VWA5B1: variants seen among roughly 807,000 people sequenced by gnomAD.
VWA5B1 encodes the protein von Willebrand factor A domain-containing protein 5B1.
A neutral mutation model predicts 118.2 loss-of-function variants in VWA5B1; 115 were observed. That is an observed-to-expected ratio of 0.97 (90% CI 0.84 to 1.14). The LOEUF is 1.14. Among genes scored for constraint, VWA5B1 ranks in the 50% most tolerant of loss-of-function variants. VWA5B1 has a pLI of 0.00. For missense variants in VWA5B1, 1,596 were observed against 1,603.8 expected (o/e 1.00, Z 0.08); for synonymous variants, 682 against 658.4 (o/e 1.04, Z -0.55).
intron 14 of VWA5B1, among the ~76,000 whole-genome samples, chr1:20,342,072 T>G (rs1380430615): frequency 7.0e-6 from 1 of 142,552 alleles, no homozygotes; most frequent in Non-Finnish European, 1.5e-5. Context: ...TGGGAAGACA[T>G]AAGGAAAAAA....
chr1:20,302,883 C>T (rs140564805), intron 1 of VWA5B1, among the ~76,000 whole-genome samples: 78 of 152,212 alleles, frequency 5.1e-4, no homozygotes, highest in Middle Eastern at 6.8e-3. Context: ...GGAGACGTAG[C>T]GAGAGGTCTT....
In VWA5B1 at chr1:20,317,588, G is replaced by C. The variant is rs932624946; in HGVS notation, c.622G>C (p.Ala208Pro). Residue 208 changes from alanine to proline, a missense_variant, in exon 5 of 22, where the codon GCG becomes CCG. Ala to Pro is a conservative substitution (Grantham distance 27, BLOSUM62 -1). Coordinates refer to ENST00000289815, the MANE Select transcript of VWA5B1 (RefSeq NM_001039500.3). ...APGSWNKLCL[A>P]TLLNTEVSNP... ...GGGCTCCTGGAATAAGTTGTGCCTG[G>C]CGACTCTCCTGAACACCGAAGTGTC... 6.4e-7 allele frequency: 1 copy of C among 1,551,848 alleles called. No individual in the cohort carries two copies. Among genetic ancestry groups the C allele is most frequent in the African/African-American group, 1.4e-5 (1 of 73,164 alleles).
At chr1:20,321,186 T>G (rs770944620) in intron 7 of VWA5B1, among the ~76,000 whole-genome samples, 1 of 150,746 alleles carries the variant, frequency 6.6e-6, no homozygotes, top group Non-Finnish European at 1.5e-5. Flanking sequence ...ACAGATTAAT[T>G]CCCTCACTTA....
chr1:20,337,707 C>T lies in VWA5B1; in HGVS notation c.2004C>T (p.Pro668=). 3 of 1,551,704 alleles carry T rather than the reference C, an allele frequency of 1.9e-6. No homozygotes were observed. Among genetic ancestry groups the T allele is most frequent in the Admixed American group, 2.0e-5 (1 of 51,006 alleles). The change falls in exon 14 of 22, where the codon CCC becomes CCT. Residue 668 remains proline (P), a synonymous_variant. Coordinates refer to ENST00000289815, the MANE Select transcript of VWA5B1 (RefSeq NM_001039500.3). ...CCAACCAGATCACCAATCACAAGCC[C>T]CTCCCAAGAGCCACCATGGCAAGTG... The part of the protein sequence containing the change: ...YSTNQITNHK[P]LPRATMASDP...
chr1:20,306,477 T>A (rs1370782149), intron 1 of VWA5B1, among the ~76,000 whole-genome samples: 1 of 152,154 alleles, frequency 6.6e-6, no homozygotes, highest in African/African-American at 2.4e-5. Flanking sequence ...GCAGTGGGGA[T>A]GACAAGAAGA....
intron 1 of VWA5B1, among the ~76,000 whole-genome samples, chr1:20,308,134 G>T (rs2088720330): frequency 6.6e-6 from 1 of 152,100 alleles, no homozygotes; most frequent in African/African-American, 2.4e-5. Context: ...GGGGTTTTTG[G>T]TTTTCTGTTC....
chr1:20,339,400 G>A (rs2089814849), intron 14 of VWA5B1, among the ~76,000 whole-genome samples: 2 of 152,010 alleles, frequency 1.3e-5, no homozygotes, highest in Admixed American at 1.3e-4. Context: ...AAATTAGCCG[G>A]GTGTGGTGGC....
chr1:20,312,712 C>T (rs1192898906), intron 2 of VWA5B1, 124 bp from the exon 3 acceptor site: 5 of 1,313,870 alleles, frequency 3.8e-6, no homozygotes, highest in Middle Eastern at 2.3e-4. Flanking sequence ...CGAGGCCTCT[C>T]GGCATCCAAT....
Position 20,348,066 on chromosome 1 carries a change from T to C in VWA5B1, c.2765-179T>C, listed in dbSNP as rs577485786. On this transcript the variant is annotated intron_variant, in intron 17 of 21. Coordinates refer to ENST00000289815, the MANE Select transcript of VWA5B1 (RefSeq NM_001039500.3). Reference sequence around the variant, plus strand: ...CCATCCAACTGGAAAGAGATGGGGCTGGGGCTCAAACCTGGGTCTTTCTGA... The same window carrying C: ...CCATCCAACTGGAAAGAGATGGGGCCGGGGCTCAAACCTGGGTCTTTCTGA... Among the ~76,000 whole-genome samples, 7 of 152,292 alleles carry C rather than the reference T, an allele frequency of 4.6e-5. No individual in the cohort carries two copies. The South Asian group carries it at 6.2e-4, about 14-fold the overall frequency.
chr1:20,305,069 G>A (rs1461194106), intron 1 of VWA5B1, among the ~76,000 whole-genome samples: 1 of 152,052 alleles, frequency 6.6e-6, no homozygotes, highest in East Asian at 1.9e-4. Context: ...GCCCTCACAG[G>A]GATTACACCT....
intron 14 of VWA5B1, among the ~76,000 whole-genome samples, chr1:20,341,941 C>T (rs1287494504): frequency 6.6e-6 from 1 of 152,160 alleles, no homozygotes; most frequent in African/African-American, 2.4e-5. Context: ...TGATTCCTTT[C>T]TCCTTACTCC....
At position 20,305,941 on chromosome 1, in the gene VWA5B1, G is replaced by A. The variant is rs969698299; in HGVS notation, c.-26-4635G>A. ...CCAGCCTGGCATTGTGATGACATAT[G>A]GATCCATGCATTCATTCAACAAATA... On this transcript the variant is annotated intron_variant, in intron 1 of 21. Transcript: ENST00000289815. Among the ~76,000 whole-genome samples, 3 of 152,088 alleles carry A rather than the reference G, an allele frequency of 2.0e-5. No homozygotes were observed. The East Asian group carries it at 5.8e-4, about 29-fold the overall frequency.
chr1:20,309,038 T>G (rs984578720), intron 1 of VWA5B1, among the ~76,000 whole-genome samples: 1 of 152,166 alleles, frequency 6.6e-6, no homozygotes, highest in African/African-American at 2.4e-5. Context: ...ACCCCACTTC[T>G]TCAAGGCATG....
rs372054116 is a variant in VWA5B1, at chr1:20,356,209, GA to G, written c.*1954del. On this transcript the variant is annotated 3_prime_UTR_variant, in exon 22 of 22. Coordinates refer to ENST00000289815, the MANE Select transcript of VWA5B1 (RefSeq NM_001039500.3). The stretch of plus-strand genomic sequence containing the variant: ...TCTACTTCCTGGACCACAAGTAATG[GA>G]AAAAAAATGCCAGGTTTTGAGTCAG... Among the ~76,000 whole-genome samples, 7 of 152,014 alleles carry G rather than the reference GA, an allele frequency of 4.6e-5. No individual in the cohort carries two copies. The highest frequency in any genetic ancestry group is 1.7e-4 in the African/African-American group (7 of 41,472).
At position 20,319,462 on chromosome 1, in the gene VWA5B1, G is replaced by C; in HGVS notation, c.922G>C (p.Asp308His). The C allele has an allele frequency of 6.4e-7, 1 of 1,551,810 alleles. No individual in the cohort carries two copies. Among genetic ancestry groups the C allele is most frequent in the African/African-American group, 1.4e-5 (1 of 73,178 alleles). Reference protein sequence around the residue: ...EFDQHLKGRTDFIKGMKKKSR... With the variant: ...EFDQHLKGRTHFIKGMKKKSR... ...TGACCAGCACTTGAAGGGAAGAACA[G>C]ATTTCATTAAAGGGATGAAGAAGAA... Residue 308 changes from aspartate (D) to histidine (H), a missense_variant, in exon 7 of 22, where the codon GAT becomes CAT. Physicochemically the swap from Asp to His is moderately conservative, Grantham distance 81. Coordinates refer to ENST00000289815, the MANE Select transcript of VWA5B1 (RefSeq NM_001039500.3).
intron 4 of VWA5B1, among the ~76,000 whole-genome samples, chr1:20,317,155 CAAAA>C (rs367872784): frequency 2.8e-5 from 2 of 70,514 alleles, no homozygotes; most frequent in Non-Finnish European, 2.8e-5. Context: ...GACTGCATCT[CAAAA>C]AAAAAAAAAA....
Position 20,353,965 on chromosome 1 carries a change from T to G in VWA5B1, c.3350T>G (p.Leu1117Arg), listed in dbSNP as rs200587345. 1.7e-3 allele frequency: 2,592 copies of G among 1,551,682 alleles called. 3 individuals carry two copies. The highest frequency in any genetic ancestry group is 2.1e-3 in the Non-Finnish European group (2,354 of 1,146,988). The change falls in exon 22 of 22, where the codon CTG (leucine) becomes CGG (arginine). Residue 1117 changes from leucine to arginine, a missense_variant. Coordinates refer to ENST00000289815, the MANE Select transcript of VWA5B1 (RefSeq NM_001039500.3). The part of the protein sequence containing the change: ...PRHPSCDSFS[L>R]EPLAKGKLGL... The stretch of plus-strand genomic sequence containing the variant: ...CACCCGTCCTGTGACAGCTTCTCCC[T>G]GGAGCCTCTGGCCAAGGGCAAGCTG...
intron 7 of VWA5B1, among the ~76,000 whole-genome samples, chr1:20,322,453 G>C (rs753173971): frequency 1.3e-5 from 2 of 152,192 alleles, no homozygotes; most frequent in Non-Finnish European, 2.9e-5. Flanking sequence ...GGCCAGCTAG[G>C]AGGCCACATA....
Position 20,336,436 on chromosome 1 carries a change from G to A in VWA5B1, c.1892G>A (p.Gly631Glu). The change falls in exon 13 of 22, where the codon GGG becomes GAG. Residue 631 changes from glycine (G) to glutamate (E), a missense_variant. Gly to Glu is a moderately conservative substitution (Grantham distance 98). Coordinates refer to ENST00000289815, the MANE Select transcript of VWA5B1 (RefSeq NM_001039500.3). ...AACTCGGGGGCACCCTTCATCCTAG[G>A]GCAGGCCAAAAATGCCCGGCTAGCC... ...AKNSGAPFIL[G>E]QAKNARLASG... The A allele has an allele frequency of 6.7e-7, 1 of 1,502,466 alleles. No homozygotes were observed. Among genetic ancestry groups the A allele is most frequent in the Non-Finnish European group, 8.9e-7 (1 of 1,120,878 alleles). 93.1% of individuals were successfully genotyped at this position (1,502,466 alleles called of 1,614,324 possible).
Sources: gnomAD v4.1 joint callset for allele counts (sites outside exome capture counted in the v4.1 genomes callset) on GRCh38, gnomAD v4.1.1 for gene constraint, MANE v1.5 for transcripts, NCBI Gene and HGNC (gene_info 2026-07-23, HGNC 2026-07-21) for gene names.